The following SPDYE18 variants were observed in gnomAD, a reference collection of about 807,000 sequenced individuals.
The protein encoded by SPDYE18 is speedy/RINGO cell cycle regulator family member E18.
SPDYE18 carries 6 observed loss-of-function variants against 44.9 expected under a neutral mutation model. That is an observed-to-expected ratio of 0.13 (90% CI 0.07 to 0.26). SPDYE18 has a LOEUF of 0.26. Among genes scored for constraint, SPDYE18 ranks in the 10% least tolerant of loss-of-function variants. The pLI, the probability that SPDYE18 is intolerant of heterozygous loss-of-function variation, is 1.00. For synonymous variants in SPDYE18, 35 were observed against 177.1 expected, an observed-to-expected ratio of 0.20 and a Z score of 6.37; for missense variants, 121 against 463.2, an observed-to-expected ratio of 0.26 and a Z score of 6.78.
Position 77,057,753 on chromosome 7 carries a change from G to A in SPDYE18, c.494C>T (p.Pro165Leu). The change falls in exon 4 of 9, where the codon CCT (proline) becomes CTT (leucine). Residue 165 changes from proline (P) to leucine (L), a missense_variant. Coordinates refer to ENST00000510091, the MANE Select transcript of SPDYE18 (RefSeq NM_001394953.1). ...LEEEPRKVLA[P>L]EPEEIWVAEM... ...CGCCACCCAGATCTCCTCAGGCTCAGGGGCGAGCACCTTCCGTGGCTCCTC... is the reference window on the plus strand; with the variant it reads ...CGCCACCCAGATCTCCTCAGGCTCAAGGGCGAGCACCTTCCGTGGCTCCTC... 1 of 1,336,880 alleles carries A rather than the reference G, an allele frequency of 7.5e-7. No homozygotes were observed. The allele number at this position is 1,336,880 out of a possible 1,614,324, so 82.8% of individuals were successfully genotyped here. A position where few individuals can be genotyped will look rare whatever the true frequency, so the allele number is the denominator to read the frequency against.
chr7:77,059,951 G>C (rs1378257831), intron 2 of SPDYE18, among the ~76,000 whole-genome samples: 1 of 148,018 alleles, frequency 6.8e-6, no homozygotes, highest in Admixed American at 6.8e-5. Flanking sequence ...CACCCAGCCT[G>C]AATTTCTCCA....
At position 77,050,685 on chromosome 7, in the gene SPDYE18, C is replaced by T. The variant is rs1408340365; in HGVS notation, c.*1240G>A. Among the ~76,000 whole-genome samples the T allele has an allele frequency of 6.6e-6, 1 of 152,066 alleles. No homozygotes were observed. The highest frequency in any genetic ancestry group is 2.4e-5 in the African/African-American group (1 of 41,458). On this transcript the variant is annotated 3_prime_UTR_variant, in exon 9 of 9. Coordinates refer to ENST00000510091, the MANE Select transcript of SPDYE18 (RefSeq NM_001394953.1). ...AAGTATCACAGATAAAAACCATGCT[C>T]CCTTCAGCAGCACGTGTAATAATAG...
intron 6 of SPDYE18, among the ~76,000 whole-genome samples, chr7:77,053,729 C>T (rs1789862086): frequency 6.6e-6 from 1 of 151,994 alleles, no homozygotes; most frequent in Non-Finnish European, 1.5e-5. Flanking sequence ...GGCCTAGCTA[C>T]TCAGGAGGCT....
chr7:77,060,973 T>C (rs78048223), intron 1 of SPDYE18, among the ~76,000 whole-genome samples, 40 bp from the exon 2 acceptor site: 5,731 of 125,242 alleles, frequency 0.046, 34 homozygotes, highest in East Asian at 0.13. Flanking sequence ...AAAACTAGGG[T>C]AAGCAGAAAT....
Position 77,060,483 on chromosome 7 carries a change from C to G in SPDYE18, c.30G>C (p.Lys10Asn), listed in dbSNP as rs1354623030. The change falls in exon 2 of 9, where the codon AAG (lysine) becomes AAC (asparagine). Residue 10 changes from lysine (K) to asparagine (N), a missense_variant. Lys to Asn is a moderately conservative substitution (Grantham distance 94). Coordinates refer to ENST00000510091, the MANE Select transcript of SPDYE18 (RefSeq NM_001394953.1). MDRTKTRFRKRGQITGKITT... is the reference protein window; with the variant it reads MDRTKTRFRNRGQITGKITT... Reference sequence around the variant, plus strand: ...TGATCTTTCCCGTAATCTGTCCCCTCTTACGGAACCTAGTCTTCGTTCTGT... The same window carrying G: ...TGATCTTTCCCGTAATCTGTCCCCTGTTACGGAACCTAGTCTTCGTTCTGT... 1.8e-5 allele frequency: 27 copies of G among 1,535,264 alleles called. No individual in the cohort carries two copies. Among genetic ancestry groups the G allele is most frequent in the Non-Finnish European group, 2.3e-5 (26 of 1,146,778 alleles).
Position 77,051,805 on chromosome 7 carries a change from T to C in SPDYE18, c.*120A>G, listed in dbSNP as rs564626324. 9.9e-5 allele frequency among the ~76,000 whole-genome samples: 15 copies of C among 151,774 alleles called. No individual in the cohort carries two copies. Among genetic ancestry groups the C allele is most frequent in the African/African-American group, 3.6e-4 (15 of 41,522 alleles). ...TGATCTGCACAAATGGTTCCTCTCC[T>C]CTTTCCTGTTGTCTGCCATTAGCAT... is the stretch of plus-strand genomic sequence containing the variant. On this transcript the variant is annotated 3_prime_UTR_variant, in exon 9 of 9. Transcript: ENST00000510091.
In SPDYE18 at chr7:77,050,702, T is replaced by A. The variant is rs1185973818; in HGVS notation, c.*1223A>T. ...ACCATGCTCCCTTCAGCAGCACGTG[T>A]AATAATAGATACAAAGATTGAAAGG... On this transcript the variant is annotated 3_prime_UTR_variant, in exon 9 of 9. Coordinates refer to ENST00000510091, the MANE Select transcript of SPDYE18 (RefSeq NM_001394953.1). Among the ~76,000 whole-genome samples, 1 of 151,722 alleles carries A rather than the reference T, an allele frequency of 6.6e-6. No homozygotes were observed. The highest frequency in any genetic ancestry group is 2.4e-5 in the African/African-American group (1 of 41,464).
chr7:77,054,249 C>T (rs2117315696), intron 6 of SPDYE18, among the ~76,000 whole-genome samples: 1 of 149,100 alleles, frequency 6.7e-6, no homozygotes, highest in Non-Finnish European at 1.5e-5. Context: ...TGCGGGACAC[C>T]CAGACAGAAA....
chr7:77,058,533 G>GTC (rs1394190470), intron 3 of SPDYE18, among the ~76,000 whole-genome samples: 10 of 125,968 alleles, frequency 7.9e-5, no homozygotes, highest in African/African-American at 2.9e-4. Flanking sequence ...TTGAGACAGC[G>GTC]TCTCACTCTC....
intron 6 of SPDYE18, among the ~76,000 whole-genome samples, chr7:77,054,750 T>C (rs1266712261): frequency 7.0e-6 from 1 of 143,404 alleles, no homozygotes; most frequent in Non-Finnish European, 1.5e-5. Context: ...TACACTGGCA[T>C]TGGAGTTTGT....
Position 77,051,291 on chromosome 7 carries a change from TTA to T in SPDYE18, c.*632_*633del, listed in dbSNP as rs1417403754. On this transcript the variant is annotated 3_prime_UTR_variant, in exon 9 of 9. Coordinates refer to ENST00000510091, the MANE Select transcript of SPDYE18 (RefSeq NM_001394953.1). ...CTTAAAAATGAAAAGAAAATTATCT[TTA>T]TGTATATATAACAACTATAACTCTC... 7.2e-5 allele frequency among the ~76,000 whole-genome samples: 11 copies of T among 152,200 alleles called. No homozygotes were observed. Among genetic ancestry groups the T allele is most frequent in the African/African-American group, 1.9e-4 (8 of 41,442 alleles).
Position 77,051,149 on chromosome 7 carries a change from A to G in SPDYE18, c.*776T>C, listed in dbSNP as rs1429768044. ...TGGGGAACTACCAATAGCTATAAATAGAAGAGATTTTTATGGAAGTATCAT... is the reference window on the plus strand; with the variant it reads ...TGGGGAACTACCAATAGCTATAAATGGAAGAGATTTTTATGGAAGTATCAT... On this transcript the variant is annotated 3_prime_UTR_variant, in exon 9 of 9. Coordinates refer to ENST00000510091, the MANE Select transcript of SPDYE18 (RefSeq NM_001394953.1). Among the ~76,000 whole-genome samples, 1 of 152,092 alleles carries G rather than the reference A, an allele frequency of 6.6e-6. No homozygotes were observed. Among genetic ancestry groups the G allele is most frequent in the Admixed American group, 6.5e-5 (1 of 15,286 alleles).
intron 2 of SPDYE18, among the ~76,000 whole-genome samples, chr7:77,060,028 CTTTTTTT>C (rs71251020): frequency 2.6e-5 from 3 of 117,122 alleles, no homozygotes; most frequent in East Asian, 2.2e-4. Context: ...TTTTTCTTTT[CTTTTTTT>C]TTTTTTTTGG....
In SPDYE18 at chr7:77,053,126, C is replaced by G; in HGVS notation, c.833G>C (p.Arg278Pro). 6.2e-7 allele frequency: 1 copy of G among 1,614,188 alleles called. No homozygotes were observed. ...NIFYFLYGKT[R>P]SRIPLVRNRR... is the part of the protein sequence containing the mutation. Reference sequence around the variant, plus strand: ...GTTACGGACCAAGGGTATGCGAGAGCGGGTCTTCCCATACAGGAAGTAGAA... The same window carrying G: ...GTTACGGACCAAGGGTATGCGAGAGGGGGTCTTCCCATACAGGAAGTAGAA... The change falls in exon 7 of 9, where the codon CGC (arginine) becomes CCC (proline). Residue 278 changes from arginine (R) to proline (P), a missense_variant. Physicochemically the swap from Arg to Pro is moderately radical, Grantham distance 103 (BLOSUM62 -2). Coordinates refer to ENST00000510091, the MANE Select transcript of SPDYE18 (RefSeq NM_001394953.1).
At chr7:77,060,250 G>A in intron 2 of SPDYE18, 103 bp downstream of exon 2, 2 of 1,502,754 alleles carry the variant, frequency 1.3e-6, no homozygotes, top group Non-Finnish European at 1.8e-6. Flanking sequence ...GCCCGCCTCG[G>A]CCTCCCAAAG....
rs1789796708 is a variant in SPDYE18 at position 77,051,511 on chromosome 7, G to A, written c.*414C>T. ...GAATTCTGTGCCAATCTGAGCCCCT[G>A]CATTGTGCCTTCAAATGCTCCTGGA... is the stretch of plus-strand genomic sequence containing the variant. On this transcript the variant is annotated 3_prime_UTR_variant, in exon 9 of 9. Transcript: ENST00000510091. Among the ~76,000 whole-genome samples, 1 of 152,276 alleles carries A rather than the reference G, an allele frequency of 6.6e-6. No individual in the cohort carries two copies. The highest frequency in any genetic ancestry group is 2.1e-4 in the South Asian group (1 of 4,838).
intron 3 of SPDYE18, among the ~76,000 whole-genome samples, chr7:77,058,549 C>G (rs1265452771): frequency 7.0e-6 from 1 of 143,078 alleles, no homozygotes; most frequent in Admixed American, 7.2e-5. Context: ...CTCTCTCACC[C>G]AGAATGGAAT....
Position 77,051,231 on chromosome 7 carries a change from A to G in SPDYE18, c.*694T>C, listed in dbSNP as rs1789788446. 6.6e-6 allele frequency among the ~76,000 whole-genome samples: 1 copy of G among 152,212 alleles called. No individual in the cohort carries two copies. Among genetic ancestry groups the G allele is most frequent in the Non-Finnish European group, 1.5e-5 (1 of 68,042 alleles). Reference sequence around the variant, plus strand: ...TATAATAATACAGAAACAAATTTAAAGATAATAAAATATTTAGGATAAAAA... The same window carrying G: ...TATAATAATACAGAAACAAATTTAAGGATAATAAAATATTTAGGATAAAAA... On this transcript the variant is annotated 3_prime_UTR_variant, in exon 9 of 9. Transcript: ENST00000510091.
At chr7:77,055,037 G>A (rs1789895264) in intron 6 of SPDYE18, among the ~76,000 whole-genome samples, 199 bp downstream of exon 6, 2 of 152,362 alleles carry the variant, frequency 1.3e-5, no homozygotes, top group Middle Eastern at 3.4e-3. Flanking sequence ...CAAAGTGCTG[G>A]GATTACAGGC....
Sources: gnomAD v4.1 joint callset for allele counts (sites outside exome capture counted in the v4.1 genomes callset) on GRCh38, gnomAD v4.1.1 for gene constraint, MANE v1.5 for transcripts, NCBI Gene and HGNC (gene_info 2026-07-23, HGNC 2026-07-21) for gene names.